AFG2A: variants seen among roughly 807,000 people sequenced by gnomAD.
AFG2A encodes the protein ATPase family gene 2 protein homolog A.
the AFG2A span, among the ~76,000 whole-genome samples, chr4:123,148,989 G>C: frequency 6.6e-6 from 1 of 151,176 alleles, no homozygotes; most frequent in Admixed American, 6.6e-5. Flanking sequence ...GGCTGGTCTC[G>C]AATTCCTGAC....
chr4:123,137,261 A>G, the AFG2A span, among the ~76,000 whole-genome samples: 2 of 152,158 alleles, frequency 1.3e-5, no homozygotes, highest in African/African-American at 4.8e-5. Context: ...TTGGTTGATT[A>G]TGCTGCTATT....
the AFG2A span, among the ~76,000 whole-genome samples, chr4:123,226,730 G>A: frequency 0.022 from 3,276 of 152,290 alleles, 62 homozygotes; most frequent in Non-Finnish European, 0.035. Flanking sequence ...CTCATAAAAT[G>A]AGTTAGGAAG....
At chr4:123,249,368 G>T in the AFG2A span, among the ~76,000 whole-genome samples, 2 of 152,120 alleles carry the variant, frequency 1.3e-5, no homozygotes, top group East Asian at 1.9e-4. Flanking sequence ...AAGTTTCTAT[G>T]ATTTTAGTGT....
chr4:122,952,505 A>C, the AFG2A span, among the ~76,000 whole-genome samples: 1 of 152,214 alleles, frequency 6.6e-6, no homozygotes, highest in Non-Finnish European at 1.5e-5. Flanking sequence ...CTTTGGTGTC[A>C]CACGATGTGA....
chr4:123,158,184 T>C, the AFG2A span, among the ~76,000 whole-genome samples: 2 of 152,206 alleles, frequency 1.3e-5, no homozygotes, highest in Non-Finnish European at 2.9e-5. Flanking sequence ...TTGACACATA[T>C]GACCATTACA....
At chr4:123,267,509 C>T in the AFG2A span, among the ~76,000 whole-genome samples, 1 of 151,988 alleles carries the variant, frequency 6.6e-6, no homozygotes, top group African/African-American at 2.4e-5. Flanking sequence ...TTCCCTTTTC[C>T]TTCAAAATGA....
the AFG2A span, among the ~76,000 whole-genome samples, chr4:122,997,516 G>GC: frequency 1.3e-5 from 2 of 152,094 alleles, no homozygotes; most frequent in Non-Finnish European, 2.9e-5. Flanking sequence ...TGTTGATATA[G>GC]CCCATTTGAT....
At chr4:123,113,122 T>G in the AFG2A span, among the ~76,000 whole-genome samples, 1 of 152,220 alleles carries the variant, frequency 6.6e-6, no homozygotes, top group Non-Finnish European at 1.5e-5. Flanking sequence ...GTATAAATAC[T>G]TATTTTTCTG....
At chr4:123,307,684 A>G in the AFG2A span, among the ~76,000 whole-genome samples, 1 of 152,266 alleles carries the variant, frequency 6.6e-6, no homozygotes, top group Non-Finnish European at 1.5e-5. Context: ...TCTCCAAAAT[A>G]ATATACAGTC....
the AFG2A span, among the ~76,000 whole-genome samples, chr4:122,997,477 T>C: frequency 2.6e-5 from 4 of 152,222 alleles, no homozygotes; most frequent in African/African-American, 9.6e-5. Flanking sequence ...GTATTTAATT[T>C]TTTTTAACTG....
chr4:123,114,998 T>C, the AFG2A span, among the ~76,000 whole-genome samples: 1 of 152,146 alleles, frequency 6.6e-6, no homozygotes, highest in African/African-American at 2.4e-5. Flanking sequence ...CTGCTACCTG[T>C]GCGAGGGTGG....
At chr4:122,994,152 A>AT in the AFG2A span, among the ~76,000 whole-genome samples, 3 of 152,050 alleles carry the variant, frequency 2.0e-5, no homozygotes, top group Non-Finnish European at 4.4e-5. Context: ...GCACCTTTAG[A>AT]TTTTCCATAT....
At chr4:123,027,414 G>C in the AFG2A span, among the ~76,000 whole-genome samples, 1 of 151,842 alleles carries the variant, frequency 6.6e-6, no homozygotes, top group Non-Finnish European at 1.5e-5. Flanking sequence ...CCATTTCCCT[G>C]TTCTTGCATT....
chr4:123,239,365 C>A, the AFG2A span, among the ~76,000 whole-genome samples: 1 of 152,046 alleles, frequency 6.6e-6, no homozygotes, highest in African/African-American at 2.4e-5. Flanking sequence ...AGAGCAACCC[C>A]AAGACACATA....
At chr4:122,943,309 C>T in the AFG2A span, among the ~76,000 whole-genome samples, 1 of 152,190 alleles carries the variant, frequency 6.6e-6, no homozygotes, top group Non-Finnish European at 1.5e-5. Flanking sequence ...CTTTATGAAT[C>T]TGGGTGCTCC....
chr4:123,019,200 A>G, the AFG2A span, among the ~76,000 whole-genome samples: 598 of 152,240 alleles, frequency 3.9e-3, 1 homozygote, highest in African/African-American at 0.013. Context: ...CCCATATTAT[A>G]GAAGAGGAAA....
At chr4:123,085,976 C>A in the AFG2A span, among the ~76,000 whole-genome samples, 1 of 151,966 alleles carries the variant, frequency 6.6e-6, no homozygotes, top group African/African-American at 2.4e-5. Context: ...AAAAAAAATT[C>A]CTAAGTTATC....
At chr4:123,145,148 A>G in the AFG2A span, among the ~76,000 whole-genome samples, 1 of 152,018 alleles carries the variant, frequency 6.6e-6, no homozygotes, top group African/African-American at 2.4e-5. Context: ...ATTTTTAAAA[A>G]ATAATTAATA....
chr4:123,154,169 A>C, the AFG2A span, among the ~76,000 whole-genome samples: 1 of 152,168 alleles, frequency 6.6e-6, no homozygotes, highest in South Asian at 2.1e-4. Flanking sequence ...TGGAAGCTTG[A>C]AAGAAATGGA....
Sources: gnomAD v4.1 joint callset for allele counts (sites outside exome capture counted in the v4.1 genomes callset) on GRCh38, gnomAD v4.1.1 for gene constraint, MANE v1.5 for transcripts, NCBI Gene and HGNC (gene_info 2026-07-23, HGNC 2026-07-21) for gene names.